PELI2: variants seen among roughly 807,000 people sequenced by gnomAD.
PELI2 encodes pellino E3 ubiquitin protein ligase family member 2, also known as E3 ubiquitin-protein ligase pellino homolog 2.
In PELI2, 23 loss-of-function variants were observed where a neutral mutation model predicts 42.3. The observed-to-expected ratio is 0.54, with a 90% CI of 0.39 to 0.77. The LOEUF (loss-of-function observed/expected upper bound fraction) is 0.77, where lower values mean the gene tolerates loss of function less well. PELI2 is among the 30% of genes least tolerant of loss of function. PELI2 has a pLI of 0.00. For synonymous variants in PELI2, 245 were observed against 212.2 expected (o/e 1.15, Z -1.34); for missense variants, 463 against 553.2 (o/e 0.84, Z 1.64).
intron 2 of PELI2, among the ~76,000 whole-genome samples, chr14:56,205,432 C>G (rs952956753): frequency 4.6e-5 from 7 of 152,050 alleles, no homozygotes; most frequent in Non-Finnish European, 8.8e-5. Context: ...ATTGAAAATT[C>G]AGCAGGGAAG....
chr14:56,182,589 A>G (rs895917042), intron 2 of PELI2, among the ~76,000 whole-genome samples: 4 of 152,142 alleles, frequency 2.6e-5, no homozygotes, highest in Non-Finnish European at 5.9e-5. Context: ...AAGTAACTGA[A>G]AATCACTTTA....
chr14:56,143,563 T>C (rs994481638), intron 1 of PELI2, among the ~76,000 whole-genome samples: 1 of 152,280 alleles, frequency 6.6e-6, no homozygotes, highest in Non-Finnish European at 1.5e-5. Flanking sequence ...TTTTTTTCTT[T>C]ATTGGAATTC....
At chr14:56,295,744 G>A (rs1382594403) in intron 5 of PELI2, among the ~76,000 whole-genome samples, 1 of 152,206 alleles carries the variant, frequency 6.6e-6, no homozygotes, top group African/African-American at 2.4e-5. Flanking sequence ...ATAAGTGGGA[G>A]AGCCAGGGTT....
At chr14:56,235,152 T>C (rs1737338900) in intron 2 of PELI2, among the ~76,000 whole-genome samples, 1 of 151,976 alleles carries the variant, frequency 6.6e-6, no homozygotes, top group African/African-American at 2.4e-5. Flanking sequence ...ATAATTACTT[T>C]TAATGGCAAA....
intron 1 of PELI2, among the ~76,000 whole-genome samples, chr14:56,148,572 C>G (rs968333890): frequency 2.6e-5 from 4 of 152,204 alleles, no homozygotes; most frequent in African/African-American, 9.7e-5. Flanking sequence ...CTCCCCAGCC[C>G]TTGTCTGCTC....
intron 2 of PELI2, among the ~76,000 whole-genome samples, chr14:56,259,204 G>C (rs1888630233): frequency 6.6e-6 from 1 of 151,978 alleles, no homozygotes; most frequent in South Asian, 2.1e-4. Flanking sequence ...CAGCACACCT[G>C]CACGACAAAA....
intron 1 of PELI2, among the ~76,000 whole-genome samples, chr14:56,158,016 A>C (rs540705633): frequency 4.6e-5 from 7 of 152,152 alleles, no homozygotes; most frequent in Non-Finnish European, 1.0e-4. Flanking sequence ...ATTTATAGGT[A>C]GCCTTTGAGA....
intron 2 of PELI2, among the ~76,000 whole-genome samples, chr14:56,268,917 A>G (rs1889001720): frequency 6.6e-6 from 1 of 152,146 alleles, no homozygotes; most frequent in Non-Finnish European, 1.5e-5. Context: ...CATTGTTGGG[A>G]GGTGCCATCA....
At chr14:56,248,414 A>C (rs1439894645) in intron 2 of PELI2, among the ~76,000 whole-genome samples, 1 of 152,128 alleles carries the variant, frequency 6.6e-6, no homozygotes, top group African/African-American at 2.4e-5. Flanking sequence ...AGAGAATTAA[A>C]ACAGCCCAGA....
chr14:56,284,581 T>A (rs1268822117), intron 3 of PELI2, among the ~76,000 whole-genome samples: 1 of 152,144 alleles, frequency 6.6e-6, no homozygotes, highest in Non-Finnish European at 1.5e-5. Flanking sequence ...TTAGTTGATT[T>A]ACTGTAGTTT....
At position 56,180,554 on chromosome 14, in the gene PELI2, T is replaced by C. The variant is rs1469269147; in HGVS notation, c.207+2090T>C. On this transcript the variant is annotated intron_variant, in intron 2 of 5. Transcript: ENST00000267460. The surrounding 1 kb of genome is among the most constrained non-coding windows in gnomAD (Gnocchi z 4.4). ...GAGACTCTGATAGGTCTCCCCTGGG[T>C]CACCGAACTATGACCAAGGGAGATG... Among the ~76,000 whole-genome samples the C allele has an allele frequency of 6.6e-6, 1 of 152,164 alleles. No individual in the cohort carries two copies. The highest frequency in any genetic ancestry group is 1.5e-5 in the Non-Finnish European group (1 of 68,024).
chr14:56,190,492 A>G (rs1885918067), intron 2 of PELI2, among the ~76,000 whole-genome samples: 1 of 152,194 alleles, frequency 6.6e-6, no homozygotes, highest in Non-Finnish European at 1.5e-5. Context: ...GTAACAGGAC[A>G]TTATCAATAC....
chr14:56,228,496 T>A (rs1226858022), intron 2 of PELI2, among the ~76,000 whole-genome samples: 1 of 152,260 alleles, frequency 6.6e-6, no homozygotes, highest in Non-Finnish European at 1.5e-5. Flanking sequence ...TAATCATGTA[T>A]TTTATAATTA....
At position 56,288,782 on chromosome 14, in the gene PELI2, A is replaced by G. The variant is rs1889725926; in HGVS notation, c.507+148A>G. On this transcript the variant is annotated intron_variant, in intron 4 of 5. Transcript: ENST00000267460. This position sits in a 1 kb window ranked among gnomAD's most constrained non-coding sequence, Gnocchi z 4.6. ...AGTTTTCAGGTGGCCAGTTTGAGAA[A>G]CTTGTTATTAAAAATCTGAACATTA... 8.2e-6 allele frequency: 5 copies of G among 611,574 alleles called. No individual in the cohort carries two copies. The Admixed American group carries it at 1.5e-4, about 18-fold the overall frequency. The allele number at this position is 611,574 out of a possible 1,614,324, so 37.9% of individuals were successfully genotyped here. A position where few individuals can be genotyped will look rare whatever the true frequency, so the allele number is the denominator to read the frequency against.
intron 1 of PELI2, among the ~76,000 whole-genome samples, chr14:56,163,835 G>T (rs242415): frequency 0.83 from 126,981 of 152,128 alleles, 53,549 homozygotes; most frequent in African/African-American, 0.96. Flanking sequence ...ATGGGATTAC[G>T]TTTAAAATTT....
At chr14:56,290,482 T>A (rs1170924243) in intron 5 of PELI2, 26 bp downstream of exon 5, 1 of 1,534,136 alleles carries the variant, frequency 6.5e-7, no homozygotes, top group Non-Finnish European at 8.9e-7. Context: ...TCTGCAAGTG[T>A]GAAGTACGAA....
chr14:56,198,010 A>ACACACACACACACACACCCC (rs772024884), intron 2 of PELI2, among the ~76,000 whole-genome samples: 1 of 114,618 alleles, frequency 8.7e-6, no homozygotes, highest in East Asian at 2.2e-4. Flanking sequence ...ACACACACAC[A>ACACACACACACACACACCCC]CACCCACCTC....
chr14:56,118,762 G>A lies in PELI2; in HGVS notation c.77+25G>A, dbSNP rs985336903. 4.9e-6 allele frequency: 7 copies of A among 1,440,152 alleles called. No individual in the cohort carries two copies. The African/African-American group carries it at 1.0e-4, about 21-fold the overall frequency. The allele number at this position is 1,440,152 out of a possible 1,614,324, so 89.2% of individuals were successfully genotyped here. A position where few individuals can be genotyped will look rare whatever the true frequency, so the allele number is the denominator to read the frequency against. On this transcript the variant is annotated intron_variant, in intron 1 of 5. Coordinates refer to ENST00000267460, the MANE Select transcript of PELI2 (RefSeq NM_021255.3). The stretch of plus-strand genomic sequence containing the variant: ...GGTGAGTCCTGGGGTCCCTGGTCCC[G>A]GGCAGCGGCGCGGGCGGGGAGCGCC...
At chr14:56,251,995 T>C (rs1296188112) in intron 2 of PELI2, among the ~76,000 whole-genome samples, 1 of 152,198 alleles carries the variant, frequency 6.6e-6, no homozygotes, top group Non-Finnish European at 1.5e-5. Flanking sequence ...ACTTTGAGAA[T>C]TGTTATTAGG....
Sources: gnomAD v4.1 joint callset for allele counts (sites outside exome capture counted in the v4.1 genomes callset) on GRCh38, gnomAD v4.1.1 for gene constraint, Gnocchi (gnomAD v3.1) non-coding constraint, MANE v1.5 for transcripts, NCBI Gene and HGNC (gene_info 2026-07-23, HGNC 2026-07-21) for gene names.